Variants in GLG1 observed in about 807,000 individuals in gnomAD.
GLG1 encodes Golgi apparatus protein 1.
In GLG1, 38 loss-of-function variants were observed where a neutral mutation model predicts 160.5. That is an observed-to-expected ratio of 0.24 (90% confidence interval 0.18 to 0.31). The LOEUF (loss-of-function observed/expected upper bound fraction) is 0.31. GLG1 is among the 10% of genes least tolerant of loss of function. The probability of loss-of-function intolerance (pLI) is 1.00; values close to 1 mark genes in which losing one functional copy is unlikely to be tolerated. For synonymous variants in GLG1, 644 were observed against 543.4 expected, an observed-to-expected ratio of 1.19 and a Z score of -2.57; for missense variants, 1,373 against 1,505.2, an observed-to-expected ratio of 0.91 and a Z score of 1.45.
intron 1 of GLG1, among the ~76,000 whole-genome samples, chr16:74,568,262 T>C (rs185383257): frequency 6.6e-6 from 1 of 152,320 alleles, no homozygotes; most frequent in East Asian, 1.9e-4. Context: ...TACAGTTATA[T>C]GAGGCAAATT....
chr16:74,527,522 T>C (rs1309777709), intron 2 of GLG1, among the ~76,000 whole-genome samples: 1 of 152,070 alleles, frequency 6.6e-6, no homozygotes, highest in East Asian at 1.9e-4. Context: ...AGTGCTGGGA[T>C]TACAGGCGTG....
intron 1 of GLG1, among the ~76,000 whole-genome samples, chr16:74,556,694 T>A (rs1240979811): frequency 1.3e-5 from 2 of 149,784 alleles, no homozygotes; most frequent in African/African-American, 4.9e-5. Flanking sequence ...TATTTTTTTA[T>A]TATTTTATAT....
At position 74,508,870 on chromosome 16, in the gene GLG1, G is replaced by A. The variant is rs762233302; in HGVS notation, c.527C>T (p.Ala176Val). 1 of 1,535,634 alleles carries A rather than the reference G, an allele frequency of 6.5e-7. No individual in the cohort carries two copies. The highest frequency in any genetic ancestry group is 1.4e-5 in the African/African-American group (1 of 73,338). The change falls in exon 3 of 26, where the codon GCC becomes GTC. Residue 176 changes from alanine (A) to valine (V), a missense_variant. Ala to Val is a moderately conservative substitution (Grantham distance 64). Around this residue, in one of 4 missense-constraint regions of GLG1, gnomAD observed 322 missense variants for 254.6 expected, o/e 1.26. Coordinates refer to ENST00000422840, the MANE Select transcript of GLG1 (RefSeq NM_001145667.2). ...LTTDPKFESV[A>V]REVCKSTITE... ...TATAGTAGATTTGCAAACCTCTCTG[G>A]CCACAGATTCAAATTTGGGATCTGT...
In GLG1 at chr16:74,491,157, C is replaced by A. The variant is rs1180515964; in HGVS notation, c.1293G>T (p.Met431Ile). The change falls in exon 8 of 26, where the codon ATG becomes ATT. Residue 431 changes from methionine (M) to isoleucine (I), a missense_variant. Met to Ile is a conservative substitution (Grantham distance 10). Transcript: ENST00000422840. ...GEMLDYRRML[M>I]EDFSLSPEII... is the part of the protein sequence containing the mutation. ...TCTCAGGGCTCAGAGAAAAGTCTTC[C>A]ATCAACATGCGTCGGTAATCCAGCA... The A allele has an allele frequency of 2.5e-6, 4 of 1,614,026 alleles. No individual in the cohort carries two copies. Among genetic ancestry groups the A allele is most frequent in the Non-Finnish European group, 3.4e-6 (4 of 1,179,998 alleles).
Position 74,456,451 on chromosome 16 carries a change from C to T in GLG1, c.3372+198G>A, listed in dbSNP as rs375690254. The stretch of plus-strand genomic sequence containing the variant: ...CTGAGATTACAGGCGCGAGCCACCG[C>T]GCCCGGCCCTGACCACGTTTTCAAA... On this transcript the variant is annotated intron_variant, in intron 25 of 25. Transcript: ENST00000422840. 498 of 541,074 alleles carry T rather than the reference C, an allele frequency of 9.2e-4. 1 individual carries two copies. The highest frequency in any genetic ancestry group is 2.8e-3 in the South Asian group (125 of 45,180). 33.5% of individuals were successfully genotyped at this position (541,074 alleles called of 1,614,324 possible).
chr16:74,485,743 G>C (rs1330807120), intron 9 of GLG1, 53 bp downstream of exon 9: 5 of 1,543,942 alleles, frequency 3.2e-6, no homozygotes, highest in Non-Finnish European at 4.4e-6. Flanking sequence ...AATGTTCCCT[G>C]TGCTGCCAAA....
intron 2 of GLG1, among the ~76,000 whole-genome samples, chr16:74,521,654 A>G (rs2017168002): frequency 6.6e-6 from 1 of 152,166 alleles, no homozygotes; most frequent in Admixed American, 6.5e-5. Context: ...ACTATTAGAC[A>G]AAGTAGAAAT....
At chr16:74,474,876 G>T (rs2015341387) in intron 12 of GLG1, among the ~76,000 whole-genome samples, 2 of 152,158 alleles carry the variant, frequency 1.3e-5, no homozygotes, top group Admixed American at 6.6e-5. Flanking sequence ...CCATGCAAAG[G>T]CTGGGCATGA....
intron 1 of GLG1, among the ~76,000 whole-genome samples, chr16:74,593,974 T>C (rs531204888): frequency 1.3e-5 from 2 of 152,186 alleles, no homozygotes; most frequent in South Asian, 4.2e-4. Context: ...TGGCACGATC[T>C]TGGCTCACTG....
At chr16:74,470,706 C>T (rs560031548) in intron 15 of GLG1, among the ~76,000 whole-genome samples, 1 of 152,208 alleles carries the variant, frequency 6.6e-6, no homozygotes, top group South Asian at 2.1e-4. Flanking sequence ...CCACAGCCTC[C>T]CAAAGTGCTG....
intron 2 of GLG1, among the ~76,000 whole-genome samples, chr16:74,509,538 C>T (rs975384170): frequency 6.6e-6 from 1 of 151,788 alleles, no homozygotes; most frequent in African/African-American, 2.4e-5. Context: ...GCATATTTAT[C>T]TTCATTCATT....
At position 74,503,647 on chromosome 16, in the gene GLG1, T is replaced by C; in HGVS notation, c.658A>G (p.Ile220Val). ...AAAATGATGGCCGTCATCTTGGTAA[T>C]GTACTGGTGACACTGATACTCAGTG... ...NITEYQCHQYITKMTAIIFSD... is the reference protein window; with the variant it reads ...NITEYQCHQYVTKMTAIIFSD... Residue 220 changes from isoleucine (I) to valine (V), a missense_variant, in exon 4 of 26, where the codon ATT (isoleucine) becomes GTT (valine). Physicochemically the swap from Ile to Val is conservative, Grantham distance 29. Coordinates refer to ENST00000422840, the MANE Select transcript of GLG1 (RefSeq NM_001145667.2). The C allele has an allele frequency of 6.2e-7, 1 of 1,612,886 alleles. No homozygotes were observed. The highest frequency in any genetic ancestry group is 8.5e-7 in the Non-Finnish European group (1 of 1,178,828).
intron 12 of GLG1, among the ~76,000 whole-genome samples, chr16:74,476,260 T>G (rs747571164): frequency 5.3e-5 from 8 of 152,210 alleles, no homozygotes; most frequent in Non-Finnish European, 1.0e-4. Context: ...AAAGTTTACT[T>G]TACTCGGGGT....
rs536940348 is a variant in GLG1, at chr16:74,519,507, A to G, written c.472-10582T>C. Among the ~76,000 whole-genome samples the G allele has an allele frequency of 5.3e-5, 8 of 151,900 alleles. No individual in the cohort carries two copies. The South Asian group carries it at 1.7e-3, about 31-fold the overall frequency. Reference sequence around the variant, plus strand: ...ATAATTAAAAAAAAGTATAGTACATACGATTATGTGCAATACATACTTGAT... The same window carrying G: ...ATAATTAAAAAAAAGTATAGTACATGCGATTATGTGCAATACATACTTGAT... On this transcript the variant is annotated intron_variant, in intron 2 of 25. Coordinates refer to ENST00000422840, the MANE Select transcript of GLG1 (RefSeq NM_001145667.2).
At chr16:74,483,956 G>A (rs1266876049) in intron 9 of GLG1, among the ~76,000 whole-genome samples, 2 of 152,202 alleles carry the variant, frequency 1.3e-5, no homozygotes, top group South Asian at 2.1e-4. Context: ...ACCGTGCCCG[G>A]CCCAGATATT....
Position 74,606,761 on chromosome 16 carries a change from G to A in GLG1, c.334C>T (p.Leu112=), listed in dbSNP as rs756615761. 1.2e-6 allele frequency: 2 copies of A among 1,613,008 alleles called. No homozygotes were observed. The highest frequency in any genetic ancestry group is 1.7e-6 in the Non-Finnish European group (2 of 1,179,496). Residue 112 remains leucine (L), a synonymous_variant, in exon 1 of 26, where the codon CTG becomes TTG. Transcript: ENST00000422840. Reference sequence around the variant, plus strand: ...TCCCTGCAGGACTCTTCCTCCGCCAGCTTCCAGCCCCCACCAGCCCCCGCT... The same window carrying A: ...TCCCTGCAGGACTCTTCCTCCGCCAACTTCCAGCCCCCACCAGCCCCCGCT... ...GGAGAGGGWK[L]AEEESCREDV...
At chr16:74,462,227 G>A (rs1315487347) in intron 21 of GLG1, 32 bp from the exon 22 acceptor site, 5 of 1,143,094 alleles carry the variant, frequency 4.4e-6, no homozygotes, top group Non-Finnish European at 6.5e-6. Flanking sequence ...TACATGGGCT[G>A]ATCAGAAAAC....
chr16:74,453,404 A>T, intron 25 of GLG1, 70 bp from the exon 26 acceptor site: 1 of 954,824 alleles, frequency 1.0e-6, no homozygotes, highest in East Asian at 2.5e-5. Flanking sequence ...GGTCTAACTT[A>T]TCCCTCTCAG....
intron 1 of GLG1, among the ~76,000 whole-genome samples, chr16:74,553,219 CAAA>C (rs557115728): frequency 8.1e-6 from 1 of 124,064 alleles, no homozygotes; most frequent in Admixed American, 8.5e-5. Flanking sequence ...AACTCTGTCT[CAAA>C]AAAAAAAAAA....
Sources: allele counts gnomAD v4.1 joint callset (sites outside exome capture counted in the v4.1 genomes callset), GRCh38; gene constraint gnomAD v4.1.1; regional missense constraint gnomAD v4.1.1; transcripts MANE v1.5; gene names NCBI Gene and HGNC (gene_info 2026-07-23, HGNC 2026-07-21).